The following HTR4 variants were observed in gnomAD, a reference collection of about 807,000 sequenced individuals.
HTR4 encodes 5-hydroxytryptamine receptor 4.
A neutral mutation model predicts 36.8 loss-of-function variants in HTR4; 16 were observed. The ratio of observed to expected loss-of-function variants is 0.43; its 90% CI spans 0.29 to 0.66. HTR4 has a LOEUF of 0.66. Ranked by LOEUF, HTR4 falls within the 30% of genes least tolerant of loss-of-function variation. The probability of loss-of-function intolerance (pLI) is 0.13; values close to 1 mark genes in which losing one functional copy is unlikely to be tolerated. For synonymous variants in HTR4, 189 were observed against 185.1 expected (o/e 1.02, Z -0.17); for missense variants, 438 against 490.9 (o/e 0.89, Z 1.02).
At chr5:148,477,456 T>G (rs1219206331), downstream of HTR4, among the ~76,000 whole-genome samples, 1 of 152,182 alleles carries the variant, frequency 6.6e-6, no homozygotes, top group Non-Finnish European at 1.5e-5. Flanking sequence ...TCAAGGATTG[T>G]TCTTGCTGCT....
chr5:148,462,246 T>A (rs1755295006), intron 5 of HTR4, among the ~76,000 whole-genome samples: 1 of 151,594 alleles, frequency 6.6e-6, no homozygotes, highest in Non-Finnish European at 1.5e-5. Flanking sequence ...TTGAAAACAA[T>A]AAAATTGATA....
chr5:148,620,802 G>A (rs1752886906), intron 2 of HTR4, among the ~76,000 whole-genome samples: 1 of 152,124 alleles, frequency 6.6e-6, no homozygotes, highest in African/African-American at 2.4e-5. Flanking sequence ...TCTGTGATAT[G>A]ATGATATTCA....
At chr5:148,587,949 G>C (rs914165213) in intron 2 of HTR4, among the ~76,000 whole-genome samples, 2 of 152,126 alleles carry the variant, frequency 1.3e-5, no homozygotes, top group Non-Finnish European at 2.9e-5. Flanking sequence ...TCCTCTCCTG[G>C]CTGTGCCTGC....
intron 2 of HTR4, among the ~76,000 whole-genome samples, chr5:148,576,071 A>ACTG (rs1216466714): frequency 2.2e-5 from 3 of 135,682 alleles, no homozygotes; most frequent in African/African-American, 8.3e-5. Flanking sequence ...AAATCGCGCC[A>ACTG]CTGCACTCCA....
chr5:148,554,763 G>A (rs1018195843), intron 2 of HTR4, among the ~76,000 whole-genome samples: 1 of 152,100 alleles, frequency 6.6e-6, no homozygotes, highest in Non-Finnish European at 1.5e-5. Context: ...AATAAGCATT[G>A]TTTGATAGGT....
chr5:148,494,681 A>G (rs1756608079), intron 6 of HTR4, among the ~76,000 whole-genome samples: 1 of 152,236 alleles, frequency 6.6e-6, no homozygotes, highest in African/African-American at 2.4e-5. Flanking sequence ...TCCAGAGAGA[A>G]GGCACATATA....
intron 6 of HTR4, among the ~76,000 whole-genome samples, chr5:148,498,722 C>G (rs1450924664): frequency 2.0e-5 from 3 of 152,164 alleles, no homozygotes; most frequent in Non-Finnish European, 4.4e-5. Flanking sequence ...AAGGTATGTT[C>G]TGAAAACCAT....
intron 2 of HTR4, among the ~76,000 whole-genome samples, chr5:148,589,470 C>T (rs1334456278): frequency 6.6e-6 from 1 of 152,098 alleles, no homozygotes; most frequent in Non-Finnish European, 1.5e-5. Context: ...GATCACATAG[C>T]TTTTCATTTA....
At chr5:148,542,594 T>C (rs1272377989) in intron 4 of HTR4, among the ~76,000 whole-genome samples, 1 of 152,200 alleles carries the variant, frequency 6.6e-6, no homozygotes, top group Non-Finnish European at 1.5e-5. Flanking sequence ...AAAAAGAATC[T>C]TGCAGTACTA....
chr5:148,481,593 A>G lies in HTR4; in HGVS notation c.*1610T>C. 6.6e-7 allele frequency: 1 copy of G among 1,511,362 alleles called. No individual in the cohort carries two copies. Among genetic ancestry groups the G allele is most frequent in the Non-Finnish European group, 8.8e-7 (1 of 1,140,304 alleles). 93.6% of individuals were successfully genotyped at this position (1,511,362 alleles called of 1,614,324 possible). A position where few individuals can be genotyped will look rare whatever the true frequency, so the allele number is the denominator to read the frequency against. On this transcript the variant is annotated 3_prime_UTR_variant, in exon 7 of 7. Transcript: ENST00000377888. Reference sequence around the variant, plus strand: ...TGGTTTGGTCAATCTTCTCTTCCTTATTCCAAAGTTTCTTCCTGTCGGTTT... The same window carrying G: ...TGGTTTGGTCAATCTTCTCTTCCTTGTTCCAAAGTTTCTTCCTGTCGGTTT...
intron 2 of HTR4, among the ~76,000 whole-genome samples, chr5:148,619,535 G>C (rs1421712183): frequency 6.6e-6 from 1 of 152,138 alleles, no homozygotes; most frequent in African/African-American, 2.4e-5. Context: ...TCTTGCTACA[G>C]ACCAAATTTT....
chr5:148,612,020 T>C (rs372713328), intron 2 of HTR4, among the ~76,000 whole-genome samples: 3,673 of 152,144 alleles, frequency 0.024, 77 homozygotes, highest in South Asian at 0.09. Context: ...GCACCCAGAT[T>C]CATAAAGCAA....
At chr5:148,550,880 C>G (rs1412549376) in intron 2 of HTR4, among the ~76,000 whole-genome samples, 2 of 152,188 alleles carry the variant, frequency 1.3e-5, no homozygotes, top group Non-Finnish European at 1.5e-5. Context: ...ATAATCCAGT[C>G]AGATCATACC....
chr5:148,645,763 C>T (rs968850392), intron 1 of HTR4: 5 of 152,236 alleles, frequency 3.3e-5, no homozygotes, highest in African/African-American at 1.2e-4. Flanking sequence ...TCCAGCTTTC[C>T]TGTGCCCCAA....
At chr5:148,536,380 T>C (rs1286335976) in intron 4 of HTR4, among the ~76,000 whole-genome samples, 1 of 151,744 alleles carries the variant, frequency 6.6e-6, no homozygotes, top group Non-Finnish European at 1.5e-5. Flanking sequence ...AATCCACACA[T>C]ATCAACATTA....
Position 148,548,786 on chromosome 5 carries a change from T to A in HTR4, c.235A>T (p.Ile79Phe). The change falls in exon 4 of 7, where the codon ATT becomes TTT. Residue 79 changes from isoleucine (I) to phenylalanine (F), a missense_variant. Coordinates refer to ENST00000377888, the MANE Select transcript of HTR4 (RefSeq NM_000870.7). ...ATCCAGATGTCTTGAACCAGCTCAATGGCACCAAAGGGCATCACCAGCACC... is the reference window on the plus strand; with the variant it reads ...ATCCAGATGTCTTGAACCAGCTCAAAGGCACCAAAGGGCATCACCAGCACC... ...VSVLVMPFGA[I>F]ELVQDIWIYG... is the part of the protein sequence containing the mutation. The A allele has an allele frequency of 6.2e-7, 1 of 1,614,074 alleles. No individual in the cohort carries two copies. The highest frequency in any genetic ancestry group is 8.5e-7 in the Non-Finnish European group (1 of 1,179,998).
At chr5:148,511,139 G>A (rs554072725) in intron 5 of HTR4, among the ~76,000 whole-genome samples, 1 of 152,240 alleles carries the variant, frequency 6.6e-6, no homozygotes, top group South Asian at 2.1e-4. Context: ...CTACACCTTT[G>A]ACATAGCTGA....
intron 6 of HTR4, among the ~76,000 whole-genome samples, chr5:148,494,072 G>A (rs1331201363): frequency 6.6e-6 from 1 of 152,158 alleles, no homozygotes; most frequent in Non-Finnish European, 1.5e-5. Flanking sequence ...ATTTAAAAGG[G>A]GAATTCTGAT....
chr5:148,623,991 T>C (rs1753004369), intron 2 of HTR4, among the ~76,000 whole-genome samples: 1 of 152,178 alleles, frequency 6.6e-6, no homozygotes, highest in Admixed American at 6.5e-5. Context: ...TGGGATGATA[T>C]AGACGTTCCT....
Sources: allele counts gnomAD v4.1 joint callset (sites outside exome capture counted in the v4.1 genomes callset), GRCh38; gene constraint gnomAD v4.1.1; transcripts MANE v1.5; gene names NCBI Gene and HGNC (gene_info 2026-07-23, HGNC 2026-07-21).